The following AGBL1 variants were observed in gnomAD, a reference collection of about 807,000 sequenced individuals.
AGBL1 encodes the protein AGBL carboxypeptidase 1.
AGBL1 carries 130 observed loss-of-function variants against 118.9 expected under a neutral mutation model. The observed-to-expected ratio is 1.09, with a 90% CI of 0.95 to 1.26. The LOEUF is 1.26. Among genes scored for constraint, AGBL1 ranks in the 50% most tolerant of loss-of-function variants. The probability of loss-of-function intolerance (pLI) is 0.00; values close to 1 mark genes in which losing one functional copy is unlikely to be tolerated. For synonymous variants in AGBL1, 555 were observed against 478.9 expected, an observed-to-expected ratio of 1.16 and a Z score of -2.08; for missense variants, 1,584 against 1,298.1, an observed-to-expected ratio of 1.22 and a Z score of -3.38.
At chr15:86,991,350 T>C (rs1290759445) in intron 24 of AGBL1, among the ~76,000 whole-genome samples, 1 of 44,670 alleles carries the variant, frequency 2.2e-5, no homozygotes, top group African/African-American at 4.7e-5. Flanking sequence ...CCTCAGCATC[T>C]GAACTGCTTA....
chr15:86,687,852 T>C (rs1421341665), intron 22 of AGBL1, among the ~76,000 whole-genome samples: 2 of 152,000 alleles, frequency 1.3e-5, no homozygotes, highest in African/African-American at 4.8e-5. Context: ...ATATTGAGAG[T>C]GTGAGAGACC....
intron 5 of AGBL1, among the ~76,000 whole-genome samples, chr15:86,205,060 G>A (rs1157143379): frequency 6.6e-6 from 1 of 152,158 alleles, no homozygotes; most frequent in African/African-American, 2.4e-5. Flanking sequence ...AATCCTCTGT[G>A]CTTCAACAAT....
intron 18 of AGBL1, among the ~76,000 whole-genome samples, chr15:86,426,100 A>T (rs1216489564): frequency 6.6e-6 from 1 of 152,194 alleles, no homozygotes; most frequent in Non-Finnish European, 1.5e-5. Context: ...GTAGCAGAAC[A>T]CATGTAGTAG....
intron 22 of AGBL1, among the ~76,000 whole-genome samples, chr15:86,722,573 A>T (rs76484274): frequency 4.6e-5 from 7 of 152,218 alleles, no homozygotes; most frequent in Non-Finnish European, 7.3e-5. Flanking sequence ...AACCTAGGCA[A>T]TGCCATTCAG....
chr15:86,224,186 C>T (rs558457204), intron 5 of AGBL1, among the ~76,000 whole-genome samples: 4 of 152,114 alleles, frequency 2.6e-5, no homozygotes, highest in Non-Finnish European at 4.4e-5. Flanking sequence ...AATTATACTA[C>T]ACTGCCCTCA....
intron 20 of AGBL1, among the ~76,000 whole-genome samples, chr15:86,547,676 A>T (rs1394065913): frequency 6.6e-6 from 1 of 152,172 alleles, no homozygotes; most frequent in Non-Finnish European, 1.5e-5. Flanking sequence ...AGTGGTATTT[A>T]ATAGCAATGC....
rs1286293061 is a variant in AGBL1 at position 86,119,396 on chromosome 15, T to G, written c.52-22608T>G. ...TCCTTCTTGCTACTGATGGGCTTCT[T>G]CTGGCTCCTCTCTCAACTATCCCCA... On this transcript the variant is annotated intron_variant, in intron 1 of 22. Coordinates refer to ENST00000614907, the MANE Select transcript of AGBL1 (RefSeq NM_001386094.1). Among the ~76,000 whole-genome samples, 5 of 152,178 alleles carry G rather than the reference T, an allele frequency of 3.3e-5. 1 individual carries two copies. In the South Asian group the frequency reaches 1.0e-3, roughly 32 times the overall value.
At chr15:86,447,295 C>T (rs2082132953) in intron 18 of AGBL1, among the ~76,000 whole-genome samples, 2 of 152,178 alleles carry the variant, frequency 1.3e-5, no homozygotes, top group Non-Finnish European at 2.9e-5. Flanking sequence ...GCAAATGACT[C>T]TTTTCCTCTG....
At chr15:86,927,641 CAGA>C (rs2080559045) in intron 23 of AGBL1, among the ~76,000 whole-genome samples, 1 of 151,914 alleles carries the variant, frequency 6.6e-6, no homozygotes, top group Non-Finnish European at 1.5e-5. Context: ...AAGATCTAGG[CAGA>C]AGGCTATAAT....
rs564385773 is a variant in AGBL1 at position 86,355,469 on chromosome 15, T to C, written c.2375-41897T>C. Among the ~76,000 whole-genome samples the C allele has an allele frequency of 7.9e-5, 12 of 152,310 alleles. 2 individuals carry two copies. The South Asian group carries it at 2.3e-3, about 29-fold the overall frequency. ...ATGATAAATTAAAAAAGAGATTCCA[T>C]GTGTGAAATTATCATACTATCTGCT... On this transcript the variant is annotated intron_variant, in intron 17 of 22. Transcript: ENST00000614907.
chr15:86,411,711 G>A (rs2081623650), intron 18 of AGBL1, among the ~76,000 whole-genome samples: 1 of 152,088 alleles, frequency 6.6e-6, no homozygotes, highest in Non-Finnish European at 1.5e-5. Flanking sequence ...TGGCCAAGGA[G>A]ATAAATAAGA....
chr15:86,487,549 A>G (rs1037000189), intron 18 of AGBL1, among the ~76,000 whole-genome samples: 5 of 141,536 alleles, frequency 3.5e-5, no homozygotes, highest in African/African-American at 5.7e-5. Context: ...CGAGCTAAAA[A>G]TTTGAAAAGG....
At chr15:86,290,349 T>C (rs1326532068) in intron 16 of AGBL1, among the ~76,000 whole-genome samples, 1 of 149,814 alleles carries the variant, frequency 6.7e-6, no homozygotes, top group Non-Finnish European at 1.5e-5. Context: ...CTTTCTTTTT[T>C]TTTTTTTTTT....
At position 86,113,283 on chromosome 15, in the gene AGBL1, C is replaced by T. The variant is rs868399389; in HGVS notation, c.52-28721C>T. 2.4e-4 allele frequency among the ~76,000 whole-genome samples: 24 copies of T among 98,964 alleles called. 1 individual carries two copies. In the South Asian group the frequency reaches 4.5e-3, roughly 18 times the overall value. 64.9% of individuals were successfully genotyped at this position (98,964 alleles called of 152,430 possible). On this transcript the variant is annotated intron_variant, in intron 1 of 22. Coordinates refer to ENST00000614907, the MANE Select transcript of AGBL1 (RefSeq NM_001386094.1). ...TTTCTTTCTTTCTTTCTTTTTCTTT[C>T]TTTCTTTTTTTTTTTTTTTTTGGAG...
intron 5 of AGBL1, among the ~76,000 whole-genome samples, chr15:86,187,378 T>G (rs2141817935): frequency 6.6e-6 from 1 of 152,336 alleles, no homozygotes; most frequent in Admixed American, 6.5e-5. Context: ...GACTTGAAAC[T>G]TCTCTGCCTC....
chr15:86,741,055 C>T (rs1287457115), intron 22 of AGBL1, among the ~76,000 whole-genome samples: 1 of 151,940 alleles, frequency 6.6e-6, no homozygotes, highest in Admixed American at 6.6e-5. Flanking sequence ...CAGCTCCAGC[C>T]TCTGAATGGT....
chr15:86,433,797 C>T (rs903740891), intron 18 of AGBL1, among the ~76,000 whole-genome samples: 3 of 152,132 alleles, frequency 2.0e-5, no homozygotes, highest in African/African-American at 7.2e-5. Context: ...ACTGAGTGAG[C>T]GAGTGAATGA....
At chr15:86,659,381 G>C (rs1240606606) in intron 21 of AGBL1, among the ~76,000 whole-genome samples, 1 of 152,172 alleles carries the variant, frequency 6.6e-6, no homozygotes, top group African/African-American at 2.4e-5. Flanking sequence ...GCTTCCATAA[G>C]CTAAGACCCT....
intron 22 of AGBL1, among the ~76,000 whole-genome samples, chr15:86,740,298 T>C (rs1209174290): frequency 6.6e-6 from 1 of 152,252 alleles, no homozygotes; most frequent in Non-Finnish European, 1.5e-5. Flanking sequence ...TTTCATTAAC[T>C]AGGTAACCAT....
Sources: allele counts gnomAD v4.1 joint callset (sites outside exome capture counted in the v4.1 genomes callset), GRCh38; gene constraint gnomAD v4.1.1; transcripts MANE v1.5; gene names NCBI Gene and HGNC (gene_info 2026-07-23, HGNC 2026-07-21).